The following NUDCD3 variants were observed in gnomAD, a reference collection of about 807,000 sequenced individuals.
NUDCD3 encodes the protein NudC domain containing 3.
In NUDCD3, 13 loss-of-function variants were observed where a neutral mutation model predicts 39.7. The observed-to-expected ratio is 0.33, with a 90% CI of 0.21 to 0.52. The LOEUF (loss-of-function observed/expected upper bound fraction) is 0.52, where lower values mean the gene tolerates loss of function less well. Among genes scored for constraint, NUDCD3 ranks in the 20% least tolerant of loss-of-function variants. The pLI is 0.96. For synonymous variants in NUDCD3, 175 were observed against 172.4 expected, an observed-to-expected ratio of 1.02 and a Z score of -0.12; for missense variants, 453 against 458.1, an observed-to-expected ratio of 0.99 and a Z score of 0.10.
chr7:44,434,561 C>G (rs1048001785), intron 2 of NUDCD3, among the ~76,000 whole-genome samples: 1 of 152,170 alleles, frequency 6.6e-6, no homozygotes, highest in Admixed American at 6.5e-5. Context: ...ATGTGACCCC[C>G]CCGCCCCGCA....
At chr7:44,488,549 T>G (rs1408487701) in intron 1 of NUDCD3, among the ~76,000 whole-genome samples, 1 of 152,028 alleles carries the variant, frequency 6.6e-6, no homozygotes, top group Non-Finnish European at 1.5e-5. Context: ...CCACTCCAGT[T>G]GCTCTAGCTC....
chr7:44,431,368 A>G (rs1173244389), intron 2 of NUDCD3, among the ~76,000 whole-genome samples: 1 of 152,236 alleles, frequency 6.6e-6, no homozygotes, highest in Non-Finnish European at 1.5e-5. Context: ...GGAAAAACAC[A>G]GAACAGGCTC....
chr7:44,427,459 C>A, intron 3 of NUDCD3, 112 bp downstream of exon 3: 1 of 1,203,738 alleles, frequency 8.3e-7, no homozygotes. Flanking sequence ...GAACACACCT[C>A]ACATCCTAAA....
chr7:44,417,283 C>G (rs1425898621), intron 3 of NUDCD3, among the ~76,000 whole-genome samples: 1 of 152,178 alleles, frequency 6.6e-6, no homozygotes, highest in Non-Finnish European at 1.5e-5. Context: ...GAACTTCAGA[C>G]AAGACATCAG....
chr7:44,382,181 G>A lies in NUDCD3; in HGVS notation c.*3830C>T, dbSNP rs190783849. The A allele has an allele frequency of 2.0e-5, 3 of 152,188 alleles. No individual in the cohort carries two copies. The highest frequency in any genetic ancestry group is 2.9e-5 in the Non-Finnish European group (2 of 68,024). 9.4% of individuals were successfully genotyped at this position (152,188 alleles called of 1,614,324 possible). A position where few individuals can be genotyped will look rare whatever the true frequency, so the allele number is the denominator to read the frequency against. ...GTAAGACCAATCTGTTAAACTTTCA[G>A]TACTAAAAAATAAAACCGAGTGGGA... On this transcript the variant is annotated 3_prime_UTR_variant, in exon 6 of 6. Coordinates refer to ENST00000355451, the MANE Select transcript of NUDCD3 (RefSeq NM_015332.4).
At chr7:44,452,640 G>C (rs1366169855) in intron 2 of NUDCD3, among the ~76,000 whole-genome samples, 1 of 152,036 alleles carries the variant, frequency 6.6e-6, no homozygotes, top group African/African-American at 2.4e-5. Flanking sequence ...AATGTTTTTG[G>C]GAGAGGAAAA....
At chr7:44,397,826 G>A (rs1356333170) in intron 4 of NUDCD3, among the ~76,000 whole-genome samples, 2 of 152,090 alleles carry the variant, frequency 1.3e-5, no homozygotes, top group East Asian at 3.9e-4. Flanking sequence ...CTAAGGACAA[G>A]GAAATAACTT....
At position 44,442,732 on chromosome 7, in the gene NUDCD3, T is replaced by G. The variant is rs187360519; in HGVS notation, c.510-15029A>C. 2.7e-3 allele frequency among the ~76,000 whole-genome samples: 409 copies of G among 150,704 alleles called. 3 individuals carry two copies. Among genetic ancestry groups the G allele is most frequent in the African/African-American group, 9.3e-3 (381 of 41,070 alleles). ...TTTTTTTGAGACAGAGTCTCACTCT[T>G]TGGCCCAGGCCGGACTGCAGTGGCG... On this transcript the variant is annotated intron_variant, in intron 2 of 5. Coordinates refer to ENST00000355451, the MANE Select transcript of NUDCD3 (RefSeq NM_015332.4).
chr7:44,426,557 G>A (rs1435106702), intron 3 of NUDCD3, among the ~76,000 whole-genome samples: 1 of 152,196 alleles, frequency 6.6e-6, no homozygotes, highest in African/African-American at 2.4e-5. Context: ...AGCACTTTGG[G>A]AGGCCGAGGC....
intron 2 of NUDCD3, among the ~76,000 whole-genome samples, chr7:44,463,874 G>C (rs902825913): frequency 2.0e-5 from 3 of 151,958 alleles, no homozygotes; most frequent in Non-Finnish European, 4.4e-5. Context: ...GATGAAATGG[G>C]AATTTAGTAC....
chr7:44,456,557 C>T (rs1799906370), intron 2 of NUDCD3, among the ~76,000 whole-genome samples: 1 of 151,974 alleles, frequency 6.6e-6, no homozygotes, highest in African/African-American at 2.4e-5. Context: ...CGGCTTGAAC[C>T]CAGGAGTTCA....
At chr7:44,443,029 C>G (rs1308991396) in intron 2 of NUDCD3, among the ~76,000 whole-genome samples, 1 of 152,178 alleles carries the variant, frequency 6.6e-6, no homozygotes, top group Non-Finnish European at 1.5e-5. Context: ...CACCTTCATA[C>G]TTAACACCAT....
chr7:44,490,588 C>G lies in NUDCD3; in HGVS notation c.13G>C (p.Ala5Pro). Residue 5 changes from alanine to proline, a missense_variant, in exon 1 of 6, where the codon GCG (alanine) becomes CCG (proline). By Grantham distance (27) the Ala-to-Pro change is conservative. Transcript: ENST00000355451. ...AGGGCCTGGTCATACAGCTCGGCCG[C>G]CCCTGTCTCCATGTCGCCTCCCGCC... METG[A>P]AELYDQALLG... 3.1e-6 allele frequency: 5 copies of G among 1,608,422 alleles called. No homozygotes were observed. Among genetic ancestry groups the G allele is most frequent in the Non-Finnish European group, 4.2e-6 (5 of 1,177,612 alleles).
intron 4 of NUDCD3, among the ~76,000 whole-genome samples, chr7:44,393,061 G>C (rs537813581): frequency 1.3e-5 from 2 of 152,220 alleles, no homozygotes; most frequent in South Asian, 4.1e-4. Flanking sequence ...CTCCTGGGGA[G>C]TCCTCACCCC....
At chr7:44,486,287 C>T (rs565273647) in intron 1 of NUDCD3, among the ~76,000 whole-genome samples, 1 of 152,282 alleles carries the variant, frequency 6.6e-6, no homozygotes, top group Non-Finnish European at 1.5e-5. Flanking sequence ...CTGTGCACTG[C>T]GCGGGCAGTC....
intron 3 of NUDCD3, among the ~76,000 whole-genome samples, chr7:44,416,406 G>C (rs1271298785): frequency 6.6e-6 from 1 of 151,820 alleles, no homozygotes; most frequent in African/African-American, 2.4e-5. Flanking sequence ...TTTAAAAGAG[G>C]TCTGCAGTTA....
At position 44,485,197 on chromosome 7, in the gene NUDCD3, C is replaced by T. The variant is rs200684595; in HGVS notation, c.280G>A (p.Glu94Lys). ...GCAGCTGACACAGTCTTGGCCTCTTCCTCTTCCTTTCTTCTGATTTTCTCT... is the reference window on the plus strand; with the variant it reads ...GCAGCTGACACAGTCTTGGCCTCTTTCTCTTCCTTTCTTCTGATTTTCTCT... ...LEEKIRRKEE[E>K]EAKTVSAAAA... is the part of the protein sequence containing the mutation. The change falls in exon 2 of 6, where the codon GAA becomes AAA. Residue 94 changes from glutamate to lysine, a missense_variant. Coordinates refer to ENST00000355451, the MANE Select transcript of NUDCD3 (RefSeq NM_015332.4). The T allele has an allele frequency of 1.4e-4, 232 of 1,614,206 alleles. No homozygotes were observed. The highest frequency in any genetic ancestry group is 1.9e-4 in the Non-Finnish European group (226 of 1,180,028).
intron 2 of NUDCD3, among the ~76,000 whole-genome samples, chr7:44,464,468 ATT>A (rs34103647): frequency 6.8e-6 from 1 of 146,984 alleles, no homozygotes. Context: ...TAGATCAACA[ATT>A]TTTTTTTTTT....
At chr7:44,463,361 C>T (rs1381235492) in intron 2 of NUDCD3, among the ~76,000 whole-genome samples, 1 of 152,160 alleles carries the variant, frequency 6.6e-6, no homozygotes, top group Non-Finnish European at 1.5e-5. Flanking sequence ...GGGCACGGAG[C>T]CTGCCATCCC....
Sources: allele counts gnomAD v4.1 joint callset (sites outside exome capture counted in the v4.1 genomes callset), GRCh38; gene constraint gnomAD v4.1.1; transcripts MANE v1.5; gene names NCBI Gene and HGNC (gene_info 2026-07-23, HGNC 2026-07-21).